ANTXRL: variants seen among roughly 807,000 people sequenced by gnomAD.
ANTXRL encodes ANTXR like.
ANTXRL carries 63 observed loss-of-function variants against 75.4 expected under a neutral mutation model. The ratio of observed to expected loss-of-function variants is 0.84; its 90% CI spans 0.68 to 1.03. ANTXRL has a LOEUF of 1.03. ANTXRL is among the 50% of genes least tolerant of loss of function. ANTXRL has a pLI of 0.00. For missense variants in ANTXRL, 797 were observed against 789.4 expected, an observed-to-expected ratio of 1.01 and a Z score of -0.12; for synonymous variants, 335 against 291.3, an observed-to-expected ratio of 1.15 and a Z score of -1.53.
Position 46,309,210 on chromosome 10 carries a change from C to A in ANTXRL, c.1134+8C>A. ...CGGCTGTGCCGCAAGCAGGCAAGTG[C>A]TCCCTGCCCGCCCAGCTCTGGGGCC... On this transcript the variant is annotated splice_region_variant and intron_variant, in intron 13 of 16. Transcript: ENST00000620264. 6.5e-7 allele frequency: 1 copy of A among 1,535,700 alleles called. No homozygotes were observed. The highest frequency in any genetic ancestry group is 8.7e-7 in the Non-Finnish European group (1 of 1,146,700).
chr10:46,290,320 G>A (rs782100012), intron 1 of ANTXRL, among the ~76,000 whole-genome samples: 3 of 152,186 alleles, frequency 2.0e-5, no homozygotes, highest in Non-Finnish European at 4.4e-5. Context: ...GGGATTCCAA[G>A]CGTGAGCCAC....
Position 46,314,285 on chromosome 10 carries a change from C to T in ANTXRL, c.1410+969C>T, listed in dbSNP as rs1437989683. On this transcript the variant is annotated intron_variant, in intron 16 of 16. Coordinates refer to ENST00000620264, the MANE Select transcript of ANTXRL (RefSeq NM_001278688.3). ...ATGCAGGGCTCCTCCAGCCGCTGGG[C>T]TCCTGGCTCTGTGCCTCTGCACAGG... Among the ~76,000 whole-genome samples the T allele has an allele frequency of 2.0e-5, 3 of 152,226 alleles. No homozygotes were observed. In the East Asian group the frequency reaches 5.8e-4, roughly 30 times the overall value.
At chr10:46,326,743 G>A (rs782506763) in intron 16 of ANTXRL, among the ~76,000 whole-genome samples, 4 of 152,092 alleles carry the variant, frequency 2.6e-5, no homozygotes, top group Non-Finnish European at 5.9e-5. Context: ...GGGTCCAGTC[G>A]GCTTGTGGTC....
intron 14 of ANTXRL, 73 bp downstream of exon 14, chr10:46,310,572 A>G: frequency 7.0e-7 from 1 of 1,437,656 alleles, no homozygotes; most frequent in South Asian, 1.2e-5. Flanking sequence ...AGTGCCATGA[A>G]GCCTGCGCCC....
At chr10:46,299,757 C>T (rs1179258574) in intron 9 of ANTXRL, among the ~76,000 whole-genome samples, 8 of 152,168 alleles carry the variant, frequency 5.3e-5, no homozygotes, top group Non-Finnish European at 1.0e-4. Context: ...ACAGAAAAGA[C>T]GCTGTCAGGC....
chr10:46,327,258 G>C (rs569722040), intron 16 of ANTXRL, among the ~76,000 whole-genome samples: 1 of 152,064 alleles, frequency 6.6e-6, no homozygotes, highest in Non-Finnish European at 1.5e-5. Flanking sequence ...ACGGTCTGGC[G>C]TGCAGGCTGG....
At chr10:46,328,729 T>G (rs1839347700) in intron 16 of ANTXRL, among the ~76,000 whole-genome samples, 1 of 152,098 alleles carries the variant, frequency 6.6e-6, no homozygotes, top group Non-Finnish European at 1.5e-5. Context: ...ATTGCCTTTC[T>G]TAACAAAAGC....
At chr10:46,302,629 G>A (rs1837824030) in intron 9 of ANTXRL, 93 bp from the exon 10 acceptor site, 9 of 875,460 alleles carry the variant, frequency 1.0e-5, no homozygotes, top group Non-Finnish European at 1.4e-5. Context: ...CTGTGAATTC[G>A]GTTTTGGGGG....
At chr10:46,290,278 G>C (rs12354617) in intron 1 of ANTXRL, among the ~76,000 whole-genome samples, 1 of 151,390 alleles carries the variant, frequency 6.6e-6, no homozygotes, top group Non-Finnish European at 1.5e-5. Context: ...TCCTGACCTC[G>C]TGATTCCCCG....
Position 46,309,106 on chromosome 10 carries a change from C to T in ANTXRL, c.1045-7C>T, listed in dbSNP as rs2132798458. The T allele has an allele frequency of 1.3e-6, 2 of 1,535,708 alleles. No individual in the cohort carries two copies. The highest frequency in any genetic ancestry group is 1.7e-6 in the Non-Finnish European group (2 of 1,146,658). On this transcript the variant is annotated splice_polypyrimidine_tract_variant and splice_region_variant and intron_variant, in intron 12 of 16. Transcript: ENST00000620264. Reference sequence around the variant, plus strand: ...GGCCCTCCTATGGTGCTCTCTTTCTCCACCAGGGCATTTTCCGCAACTGGC... The same window carrying T: ...GGCCCTCCTATGGTGCTCTCTTTCTTCACCAGGGCATTTTCCGCAACTGGC...
chr10:46,310,030 A>G (rs1316812801), intron 13 of ANTXRL, among the ~76,000 whole-genome samples: 5 of 152,238 alleles, frequency 3.3e-5, no homozygotes, highest in Non-Finnish European at 7.4e-5. Flanking sequence ...TCATGTCTGC[A>G]TAGGGAGCTG....
At chr10:46,323,559 A>G (rs1275950858) in intron 16 of ANTXRL, among the ~76,000 whole-genome samples, 2 of 152,180 alleles carry the variant, frequency 1.3e-5, no homozygotes, top group African/African-American at 4.8e-5. Flanking sequence ...TTGTGAATTG[A>G]GTTCATTCCC....
At chr10:46,311,445 T>C (rs1352007000) in intron 14 of ANTXRL, 65 bp from the exon 15 acceptor site, 2 of 1,447,082 alleles carry the variant, frequency 1.4e-6, no homozygotes, top group African/African-American at 1.4e-5. Flanking sequence ...CAGACACACA[T>C]CTGGGAGTGG....
chr10:46,322,273 A>G (rs1839014701), intron 16 of ANTXRL, among the ~76,000 whole-genome samples: 1 of 152,050 alleles, frequency 6.6e-6, no homozygotes, highest in African/African-American at 2.4e-5. Context: ...GCCTGGCCAT[A>G]TGGTGAAACC....
chr10:46,326,834 C>T (rs1839238316), intron 16 of ANTXRL, among the ~76,000 whole-genome samples: 1 of 152,088 alleles, frequency 6.6e-6, no homozygotes, highest in Admixed American at 6.5e-5. Flanking sequence ...CGTGTTCCTC[C>T]AGGTGGAGGT....
At chr10:46,327,284 C>T (rs1177193220) in intron 16 of ANTXRL, among the ~76,000 whole-genome samples, 9 of 152,064 alleles carry the variant, frequency 5.9e-5, no homozygotes, top group African/African-American at 2.2e-4. Flanking sequence ...GGGACTGGAT[C>T]CTGCCAGCAG....
chr10:46,329,522 G>A, intron 16 of ANTXRL, 77 bp from the exon 17 acceptor site: 3 of 1,489,996 alleles, frequency 2.0e-6, no homozygotes, highest in Non-Finnish European at 2.7e-6. Context: ...CCATCCCTTT[G>A]AGCCAGGCAA....
intron 16 of ANTXRL, among the ~76,000 whole-genome samples, chr10:46,323,424 G>C (rs938245919): frequency 1.3e-5 from 2 of 152,182 alleles, no homozygotes; most frequent in Non-Finnish European, 2.9e-5. Context: ...GCAGCGTTAA[G>C]TAGGTTGCAG....
At chr10:46,317,724 C>A (rs1554964942) in intron 16 of ANTXRL, among the ~76,000 whole-genome samples, 3 of 152,162 alleles carry the variant, frequency 2.0e-5, no homozygotes, top group African/African-American at 7.2e-5. Context: ...CATGCACACA[C>A]ACACACACAC....
Sources: allele counts gnomAD v4.1 joint callset (sites outside exome capture counted in the v4.1 genomes callset), GRCh38; gene constraint gnomAD v4.1.1; transcripts MANE v1.5; gene names NCBI Gene and HGNC (gene_info 2026-07-23, HGNC 2026-07-21).